Variants in FBXL7 observed in about 807,000 individuals in gnomAD.
The protein encoded by FBXL7 is F-box and leucine rich repeat protein 7.
FBXL7 carries 12 observed loss-of-function variants against 38.3 expected under a neutral mutation model. That is an observed-to-expected ratio of 0.31 (90% confidence interval 0.20 to 0.51). FBXL7 has a LOEUF of 0.51. FBXL7 is among the 20% of genes least tolerant of loss of function. The probability of loss-of-function intolerance (pLI) is 0.98; values close to 1 mark genes in which losing one functional copy is unlikely to be tolerated. For missense variants in FBXL7, 567 were observed against 676.4 expected (o/e 0.84, Z 1.79); for synonymous variants, 297 against 300.9 (o/e 0.99, Z 0.13).
At chr5:15,834,704 TCTGCCACGTAGAAG>T in intron 2 of FBXL7, among the ~76,000 whole-genome samples, 1 of 152,350 alleles carries the variant, frequency 6.6e-6, no homozygotes, top group Non-Finnish European at 1.5e-5. Context: ...ATATCACAAC[TCTGCCACGTAGAAG>T]CTGTGTGAAC....
intron 1 of FBXL7, among the ~76,000 whole-genome samples, chr5:15,535,378 G>T (rs1737556601): frequency 1.3e-5 from 2 of 152,200 alleles, no homozygotes; most frequent in Non-Finnish European, 1.5e-5. Flanking sequence ...GGAAAGTTTG[G>T]AATTTCCTAG....
chr5:15,536,549 G>A (rs1228907688), intron 1 of FBXL7, among the ~76,000 whole-genome samples: 3 of 152,204 alleles, frequency 2.0e-5, no homozygotes, highest in African/African-American at 4.8e-5. Context: ...TGACTGCCCT[G>A]CTGGGTTTTG....
chr5:15,649,463 A>G (rs1417810388), intron 2 of FBXL7, among the ~76,000 whole-genome samples: 1 of 152,218 alleles, frequency 6.6e-6, no homozygotes, highest in Non-Finnish European at 1.5e-5. Flanking sequence ...AGAAAAGCTA[A>G]TAAGATTCAT....
At chr5:15,615,754 T>C (rs1740425576) in intron 1 of FBXL7, among the ~76,000 whole-genome samples, 1 of 152,236 alleles carries the variant, frequency 6.6e-6, no homozygotes, top group Non-Finnish European at 1.5e-5. Context: ...TCTGAGTTTA[T>C]AGTCAAGCTA....
intron 2 of FBXL7, among the ~76,000 whole-genome samples, chr5:15,900,698 A>G (rs1409812918): frequency 6.6e-6 from 1 of 152,212 alleles, no homozygotes; most frequent in Admixed American, 6.5e-5. Context: ...CAATAAAACT[A>G]AAAATGATGA....
chr5:15,724,553 A>T (rs1431016489), intron 2 of FBXL7, among the ~76,000 whole-genome samples: 1 of 152,178 alleles, frequency 6.6e-6, no homozygotes, highest in Non-Finnish European at 1.5e-5. Context: ...TTCACAATAG[A>T]TTAGTTTTAA....
intron 2 of FBXL7, among the ~76,000 whole-genome samples, chr5:15,692,652 C>G (rs1743219476): frequency 6.6e-6 from 1 of 152,014 alleles, no homozygotes; most frequent in Admixed American, 6.5e-5. Flanking sequence ...AAATGGCCAT[C>G]AGGCTGCAAA....
At chr5:15,857,133 A>G (rs2126801542) in intron 2 of FBXL7, among the ~76,000 whole-genome samples, 1 of 152,298 alleles carries the variant, frequency 6.6e-6, no homozygotes, top group Non-Finnish European at 1.5e-5. Flanking sequence ...AATGACAGGG[A>G]TAGAGATCAT....
intron 2 of FBXL7, among the ~76,000 whole-genome samples, chr5:15,661,611 C>A (rs1742077979): frequency 6.6e-6 from 1 of 152,142 alleles, no homozygotes; most frequent in African/African-American, 2.4e-5. Context: ...TAGGCAAGCT[C>A]ATGGGGTTTG....
intron 2 of FBXL7, among the ~76,000 whole-genome samples, chr5:15,773,642 CAAAA>C (rs1272862949): frequency 6.6e-6 from 1 of 151,964 alleles, no homozygotes; most frequent in Non-Finnish European, 1.5e-5. Context: ...GATCTTGTCT[CAAAA>C]AAATTTTTTT....
chr5:15,710,201 T>C (rs2126641644), intron 2 of FBXL7, among the ~76,000 whole-genome samples: 1 of 152,278 alleles, frequency 6.6e-6, no homozygotes, highest in South Asian at 2.1e-4. Flanking sequence ...AGAGGCAATG[T>C]CCTTGCAATA....
intron 1 of FBXL7, among the ~76,000 whole-genome samples, chr5:15,514,716 A>T (rs961392195): frequency 1.3e-5 from 2 of 152,182 alleles, no homozygotes; most frequent in Non-Finnish European, 2.9e-5. Flanking sequence ...GTCTGTACAG[A>T]TGGCCTCTTC....
intron 2 of FBXL7, among the ~76,000 whole-genome samples, chr5:15,727,623 C>A (rs1217555650): frequency 6.6e-6 from 1 of 152,108 alleles, no homozygotes; most frequent in East Asian, 1.9e-4. Flanking sequence ...CAGATTTCTT[C>A]TCTCTTGCTA....
At chr5:15,811,806 A>G (rs1323302972) in intron 2 of FBXL7, among the ~76,000 whole-genome samples, 1 of 152,214 alleles carries the variant, frequency 6.6e-6, no homozygotes, top group East Asian at 1.9e-4. Context: ...CACACCAGTC[A>G]GAATGGCAAT....
intron 2 of FBXL7, among the ~76,000 whole-genome samples, chr5:15,881,749 T>C (rs545272379): frequency 4.6e-5 from 7 of 152,330 alleles, no homozygotes; most frequent in African/African-American, 1.4e-4. Flanking sequence ...CAGTTAATAG[T>C]ATTCAGTTCT....
intron 2 of FBXL7, among the ~76,000 whole-genome samples, chr5:15,887,445 A>G (rs1740723090): frequency 6.6e-6 from 1 of 152,224 alleles, no homozygotes; most frequent in African/African-American, 2.4e-5. Context: ...AAAAATGAAA[A>G]TATTTTCAGT....
chr5:15,782,799 A>G (rs1737032847), intron 2 of FBXL7, among the ~76,000 whole-genome samples: 1 of 152,136 alleles, frequency 6.6e-6, no homozygotes, highest in African/African-American at 2.4e-5. Context: ...TATTTTCTCC[A>G]TTTTAATAGC....
At chr5:15,674,777 G>A (rs1250778298) in intron 2 of FBXL7, among the ~76,000 whole-genome samples, 3 of 152,146 alleles carry the variant, frequency 2.0e-5, no homozygotes, top group South Asian at 2.1e-4. Flanking sequence ...CTGATATTTT[G>A]CCATCTGTGG....
intron 2 of FBXL7, among the ~76,000 whole-genome samples, chr5:15,691,765 T>G (rs1459696664): frequency 6.6e-6 from 1 of 152,194 alleles, no homozygotes; most frequent in Non-Finnish European, 1.5e-5. Context: ...TTAGCCTGAC[T>G]CAGAGAAATC....
Sources: allele counts gnomAD v4.1 joint callset (sites outside exome capture counted in the v4.1 genomes callset), GRCh38; gene constraint gnomAD v4.1.1; transcripts MANE v1.5; gene names NCBI Gene and HGNC (gene_info 2026-07-23, HGNC 2026-07-21).